The following HSDL1 variants were observed in gnomAD, a reference collection of about 807,000 sequenced individuals.
HSDL1 encodes inactive hydroxysteroid dehydrogenase-like protein 1.
A neutral mutation model predicts 31.5 loss-of-function variants in HSDL1; 29 were observed. That is an observed-to-expected ratio of 0.92 (90% CI 0.69 to 1.26). The LOEUF (loss-of-function observed/expected upper bound fraction) is 1.26. HSDL1 is among the 50% of genes most tolerant of loss of function. The pLI, the probability that HSDL1 is intolerant of heterozygous loss-of-function variation, is 0.00. For missense variants in HSDL1, 503 were observed against 416.6 expected, an observed-to-expected ratio of 1.21 and a Z score of -1.81; for synonymous variants, 222 against 155.2, an observed-to-expected ratio of 1.43 and a Z score of -3.20.
intron 1 of HSDL1, among the ~76,000 whole-genome samples, chr16:84,139,053 G>A (rs2086739754): frequency 6.6e-6 from 1 of 152,202 alleles, no homozygotes; most frequent in South Asian, 2.1e-4. Flanking sequence ...TGTGACGTGG[G>A]GCGGGTGGTG....
rs2086574037 is a variant in HSDL1 at position 84,123,455 on chromosome 16, C to G, written c.*1175G>C. 6.6e-6 allele frequency: 1 copy of G among 152,176 alleles called. No individual in the cohort carries two copies. 9.4% of individuals were successfully genotyped at this position (152,176 alleles called of 1,614,324 possible). A position where few individuals can be genotyped will look rare whatever the true frequency, so the allele number is the denominator to read the frequency against. ...AATGGTTGGCTTTATATGACCCAAACTAAGGACATTTCACAGGTTTCAATG... is the reference window on the plus strand; with the variant it reads ...AATGGTTGGCTTTATATGACCCAAAGTAAGGACATTTCACAGGTTTCAATG... On this transcript the variant is annotated 3_prime_UTR_variant, in exon 6 of 6. Transcript: ENST00000219439.
intron 1 of HSDL1, among the ~76,000 whole-genome samples, chr16:84,140,841 C>T (rs1257486503): frequency 2.0e-5 from 3 of 152,098 alleles, no homozygotes; most frequent in Non-Finnish European, 4.4e-5. Context: ...CGGTGGCTCA[C>T]GCCTGTAATC....
At chr16:84,130,974 G>A (rs1027339856) in intron 3 of HSDL1, 128 bp downstream of exon 3, 11 of 752,712 alleles carry the variant, frequency 1.5e-5, no homozygotes, top group South Asian at 8.8e-5. Flanking sequence ...ACATAATCAC[G>A]GCAGGAGCCA....
At position 84,130,015 on chromosome 16, in the gene HSDL1, G is replaced by C. The variant is rs140957161; in HGVS notation, c.637C>G (p.Pro213Ala). 6.2e-7 allele frequency: 1 copy of C among 1,614,050 alleles called. No homozygotes were observed. Among genetic ancestry groups the C allele is most frequent in the Admixed American group, 1.7e-5 (1 of 60,018 alleles). Residue 213 changes from proline to alanine, a missense_variant, in exon 4 of 6, where the codon CCT (proline) becomes GCT (alanine). Transcript: ENST00000219439. ...ISSGSCCKPT[P>A]QLAAFSASKA... is the part of the protein sequence containing the mutation. ...GAAGCAGAAAATGCAGCCAGCTGAG[G>C]AGTGGGTTTGCAGCAGGAGCCAGAA...
chr16:84,131,442 A>T (rs2086664958), intron 2 of HSDL1, 115 bp from the exon 3 acceptor site: 7 of 704,878 alleles, frequency 9.9e-6, no homozygotes, highest in Non-Finnish European at 1.8e-5. Context: ...TGTACGTTCA[A>T]ATAACACTAA....
chr16:84,123,544 T>A lies in HSDL1; in HGVS notation c.*1086A>T, dbSNP rs2086574875. On this transcript the variant is annotated 3_prime_UTR_variant, in exon 6 of 6. Transcript: ENST00000219439. Reference sequence around the variant, plus strand: ...ACACCAGTAAAGGTATTCACTACAATACATAAATTCATTACACAAACCAAG... The same window carrying A: ...ACACCAGTAAAGGTATTCACTACAAAACATAAATTCATTACACAAACCAAG... 6.6e-6 allele frequency: 1 copy of A among 152,304 alleles called. No individual in the cohort carries two copies. The allele number at this position is 152,304 out of a possible 1,614,324, so 9.4% of individuals were successfully genotyped here.
chr16:84,143,555 G>A (rs1217438846), intron 1 of HSDL1, among the ~76,000 whole-genome samples: 1 of 152,084 alleles, frequency 6.6e-6, no homozygotes, highest in Non-Finnish European at 1.5e-5. Flanking sequence ...ACTATAGCAA[G>A]AACTACTGAG....
Position 84,124,875 on chromosome 16 carries a change from AC to A in HSDL1, c.895-148del, listed in dbSNP as rs1221962321. Reference sequence around the variant, plus strand: ...CAAATACCCACCAATCACAACAAATACCCACCAATCAATCACAACAAATACC... The same window carrying A: ...CAAATACCCACCAATCACAACAAATACCACCAATCAATCACAACAAATACC... On this transcript the variant is annotated intron_variant, in intron 5 of 5. Transcript: ENST00000219439. The A allele has an allele frequency of 7.0e-6, 4 of 568,554 alleles. No individual in the cohort carries two copies. The East Asian group carries it at 1.2e-4, about 16-fold the overall frequency. 35.2% of individuals were successfully genotyped at this position (568,554 alleles called of 1,614,324 possible).
At chr16:84,141,090 C>CAAAAAA (rs553224060) in intron 1 of HSDL1, among the ~76,000 whole-genome samples, 10 of 136,150 alleles carry the variant, frequency 7.3e-5, no homozygotes, top group African/African-American at 3.3e-4. Context: ...GACTCCGTCT[C>CAAAAAA]AAACAAAAAA....
rs1265300521 is a variant in HSDL1, at chr16:84,122,378, A to G, written c.*2252T>C. On this transcript the variant is annotated 3_prime_UTR_variant, in exon 6 of 6. Coordinates refer to ENST00000219439, the MANE Select transcript of HSDL1 (RefSeq NM_031463.5). ...TTCCCACGTTCTTTTTTTTTTTTTG[A>G]GACAGGGTCTCGCTCTGTCTCAAGG... 1.4e-5 allele frequency: 2 copies of G among 138,198 alleles called. No individual in the cohort carries two copies. The highest frequency in any genetic ancestry group is 3.1e-5 in the Non-Finnish European group (2 of 65,038). The allele number at this position is 138,198 out of a possible 1,614,324, so 8.6% of individuals were successfully genotyped here.
intron 2 of HSDL1, 45 bp from the exon 3 acceptor site, chr16:84,131,372 TA>T: frequency 7.6e-7 from 1 of 1,313,674 alleles, no homozygotes; most frequent in Non-Finnish European, 1.1e-6. Flanking sequence ...ATTAATAAAT[TA>T]AAGGAACATA....
intron 1 of HSDL1, among the ~76,000 whole-genome samples, chr16:84,138,641 A>T (rs573071442): frequency 1.0e-3 from 154 of 152,354 alleles, no homozygotes; most frequent in Middle Eastern, 3.4e-3. Flanking sequence ...AAAATAATTT[A>T]AAAAAATTTT....
In HSDL1 at chr16:84,129,776, C is replaced by T; in HGVS notation, c.667-1G>A. On this transcript the variant is annotated splice_acceptor_variant, in intron 4 of 5. Transcript: ENST00000219439. LOFTEE classifies it high-confidence loss of function. ...CTCTGCTGAAGTGGTCTAAATAAGC[C>T]TGTTGAGACAGAGGGGAGGAAAAGA... 3 of 1,606,938 alleles carry T rather than the reference C, an allele frequency of 1.9e-6. No individual in the cohort carries two copies. The highest frequency in any genetic ancestry group is 2.6e-6 in the Non-Finnish European group (3 of 1,173,962).
intron 2 of HSDL1, among the ~76,000 whole-genome samples, chr16:84,133,624 G>T (rs1182960657): frequency 6.6e-6 from 1 of 152,150 alleles, no homozygotes; most frequent in African/African-American, 2.4e-5. Context: ...CAGCTACTTG[G>T]GAGGCTGAGG....
In HSDL1 at chr16:84,134,480, G is replaced by A. The variant is rs11859611; in HGVS notation, c.-7+1064C>T. Among the ~76,000 whole-genome samples, 807 of 152,036 alleles carry A rather than the reference G, an allele frequency of 5.3e-3. 7 individuals carry two copies. Among genetic ancestry groups the A allele is most frequent in the African/African-American group, 0.018 (766 of 41,462 alleles). ...TCTACTAAAAACACAAAAATTAGCC[G>A]GGTATGGTGGTGACTGCCCAGCTTG... On this transcript the variant is annotated intron_variant, in intron 2 of 5. Coordinates refer to ENST00000219439, the MANE Select transcript of HSDL1 (RefSeq NM_031463.5).
At chr16:84,144,098 T>C (rs2086807317) in intron 1 of HSDL1, among the ~76,000 whole-genome samples, 1 of 144,956 alleles carries the variant, frequency 6.9e-6, no homozygotes, top group Admixed American at 7.0e-5. Flanking sequence ...CTCTCTCCTG[T>C]GGCGGTCAGA....
At chr16:84,125,375 C>G (rs1476511782) in intron 5 of HSDL1, among the ~76,000 whole-genome samples, 2 of 148,480 alleles carry the variant, frequency 1.3e-5, no homozygotes, top group African/African-American at 5.0e-5. Context: ...AATCACAATA[C>G]CCACCAATCA....
chr16:84,127,088 A>G (rs1022242879), intron 5 of HSDL1, among the ~76,000 whole-genome samples: 6 of 152,028 alleles, frequency 3.9e-5, no homozygotes, highest in African/African-American at 7.2e-5. Context: ...CCTGATCCTC[A>G]TATCTTTATT....
chr16:84,126,870 G>A (rs1304169408), intron 5 of HSDL1, among the ~76,000 whole-genome samples: 5 of 152,228 alleles, frequency 3.3e-5, no homozygotes, highest in East Asian at 1.9e-4. Context: ...AAATGATAGT[G>A]TTGAAAATAA....
Sources: gnomAD v4.1 joint callset for allele counts (sites outside exome capture counted in the v4.1 genomes callset) on GRCh38, gnomAD v4.1.1 for gene constraint, MANE v1.5 for transcripts, NCBI Gene and HGNC (gene_info 2026-07-23, HGNC 2026-07-21) for gene names.